The following BMERB1 variants were observed in gnomAD, a reference collection of about 807,000 sequenced individuals.
The protein encoded by BMERB1 is bMERB domain containing 1, also known as bMERB domain-containing protein 1.
In BMERB1, 12 loss-of-function variants were observed where a neutral mutation model predicts 23.6. The observed-to-expected ratio is 0.51, with a 90% CI of 0.33 to 0.82. BMERB1 has a LOEUF of 0.82. Ranked by LOEUF, BMERB1 falls within the 40% of genes least tolerant of loss-of-function variation. The pLI, the probability that BMERB1 is intolerant of heterozygous loss-of-function variation, is 0.03. For missense variants in BMERB1, 247 were observed against 255.4 expected (o/e 0.97, Z 0.22); for synonymous variants, 122 against 96.6 (o/e 1.26, Z -1.54).
At chr16:15,502,548 G>C (rs1259814462) in intron 1 of BMERB1, among the ~76,000 whole-genome samples, 1 of 152,146 alleles carries the variant, frequency 6.6e-6, no homozygotes, top group Non-Finnish European at 1.5e-5. Context: ...GCAAGAAGGC[G>C]AGGCACTTGG....
chr16:15,535,111 A>C (rs2052012729), intron 2 of BMERB1, among the ~76,000 whole-genome samples: 1 of 152,164 alleles, frequency 6.6e-6, no homozygotes. Flanking sequence ...GCACTTTGAG[A>C]GGCTTAGGTG....
intron 3 of BMERB1, among the ~76,000 whole-genome samples, chr16:15,571,806 G>T (rs1045898601): frequency 6.6e-6 from 1 of 151,860 alleles, no homozygotes; most frequent in Admixed American, 6.6e-5. Flanking sequence ...TCGTCCCTCC[G>T]CCCACCCGGA....
chr16:15,563,642 C>T (rs979393963), intron 2 of BMERB1, among the ~76,000 whole-genome samples: 2 of 152,104 alleles, frequency 1.3e-5, no homozygotes, highest in Admixed American at 6.6e-5. Context: ...AGGAAACTTA[C>T]AATCATGATG....
chr16:15,572,205 A>G (rs563698753), intron 3 of BMERB1, among the ~76,000 whole-genome samples: 3 of 152,168 alleles, frequency 2.0e-5, no homozygotes, highest in African/African-American at 7.2e-5. Flanking sequence ...TGAGCCTTGA[A>G]TTCCTTGTTG....
intron 3 of BMERB1, among the ~76,000 whole-genome samples, chr16:15,568,858 C>T (rs2030649880): frequency 6.6e-6 from 1 of 152,002 alleles, no homozygotes; most frequent in South Asian, 2.1e-4. Context: ...GCATCTTCTC[C>T]AAAAAATTTT....
At chr16:15,453,822 C>T (rs578098969) in intron 1 of BMERB1, among the ~76,000 whole-genome samples, 5 of 152,164 alleles carry the variant, frequency 3.3e-5, no homozygotes, top group East Asian at 1.9e-4. Context: ...TGCAATGAGT[C>T]GAGATTTCGC....
chr16:15,473,520 C>G (rs1400344982), intron 1 of BMERB1, among the ~76,000 whole-genome samples: 1 of 149,800 alleles, frequency 6.7e-6, no homozygotes, highest in African/African-American at 2.5e-5. Context: ...CTCGAATGCC[C>G]GACCTCAGGT....
chr16:15,441,449 T>C lies in BMERB1; in HGVS notation c.106+6690T>C, dbSNP rs566324445. Among the ~76,000 whole-genome samples, 538 of 151,998 alleles carry C rather than the reference T, an allele frequency of 3.5e-3. 4 individuals carry two copies. The highest frequency in any genetic ancestry group is 0.012 in the African/African-American group (509 of 41,466). Reference sequence around the variant, plus strand: ...CCCAGGCTGGAGTGCAGTGGTGTGATCTTGGCTTGCTGCAACCTCTGCCTC... The same window carrying C: ...CCCAGGCTGGAGTGCAGTGGTGTGACCTTGGCTTGCTGCAACCTCTGCCTC... On this transcript the variant is annotated intron_variant, in intron 1 of 5. Transcript: ENST00000300006.
chr16:15,448,033 G>C (rs1357620502), intron 1 of BMERB1: 2 of 400,920 alleles, frequency 5.0e-6, no homozygotes, highest in African/African-American at 4.2e-5. Context: ...GGAATTACAG[G>C]TACCCGCCAC....
intron 1 of BMERB1, among the ~76,000 whole-genome samples, chr16:15,443,172 G>C (rs1261292314): frequency 1.3e-5 from 2 of 151,858 alleles, no homozygotes; most frequent in African/African-American, 4.8e-5. Context: ...CACTTGAACC[G>C]GGGAGGCAGA....
intron 1 of BMERB1, among the ~76,000 whole-genome samples, chr16:15,504,029 A>G (rs182584005): frequency 1.3e-5 from 2 of 152,340 alleles, no homozygotes; most frequent in East Asian, 3.9e-4. Flanking sequence ...TGTTACAGAG[A>G]ACTTTCTGTA....
At chr16:15,539,485 G>A (rs2052058056) in intron 2 of BMERB1, among the ~76,000 whole-genome samples, 1 of 152,150 alleles carries the variant, frequency 6.6e-6, no homozygotes, top group South Asian at 2.1e-4. Flanking sequence ...AGTTGGTCCA[G>A]TTTTTCCCAA....
intron 1 of BMERB1, among the ~76,000 whole-genome samples, chr16:15,491,060 G>C (rs893406925): frequency 1.9e-4 from 29 of 152,198 alleles, no homozygotes; most frequent in African/African-American, 7.0e-4. Flanking sequence ...ATATTGCCCA[G>C]GCTGGTCTCG....
chr16:15,582,704 A>G (rs7191894), intron 4 of BMERB1, among the ~76,000 whole-genome samples: 9,637 of 152,096 alleles, frequency 0.063, 1,053 homozygotes, highest in African/African-American at 0.22. Context: ...GGTGGCAAAG[A>G]AAGACCGTGT....
chr16:15,453,936 ATCCCTTCAGATGTCCCTTCC>A (rs1307261403), intron 1 of BMERB1, among the ~76,000 whole-genome samples: 4 of 152,070 alleles, frequency 2.6e-5, no homozygotes, highest in African/African-American at 9.7e-5. Flanking sequence ...CACTGAGAGC[ATCCCTTCAGATGTCCCTTCC>A]TCCCTTCCCC....
At chr16:15,532,544 C>CTTTTTTTTTTTTTT (rs58964968) in intron 2 of BMERB1, among the ~76,000 whole-genome samples, 2 of 91,854 alleles carry the variant, frequency 2.2e-5, no homozygotes, top group Non-Finnish European at 1.9e-5. Flanking sequence ...TTTTCTTTTT[C>CTTTTTTTTTTTTTT]TTTTTTTTTT....
At chr16:15,499,451 C>T (rs957235133) in intron 1 of BMERB1, among the ~76,000 whole-genome samples, 6 of 152,092 alleles carry the variant, frequency 3.9e-5, no homozygotes, top group Non-Finnish European at 8.8e-5. Flanking sequence ...AAATGCTCTC[C>T]TCTGCTCCCT....
At chr16:15,437,658 T>A (rs936301692) in intron 1 of BMERB1, among the ~76,000 whole-genome samples, 1 of 152,146 alleles carries the variant, frequency 6.6e-6, no homozygotes, top group Admixed American at 6.6e-5. Context: ...TGCTGCACAC[T>A]GTTAAAAGTC....
chr16:15,453,959 C>T (rs2051063691), intron 1 of BMERB1, among the ~76,000 whole-genome samples: 1 of 152,118 alleles, frequency 6.6e-6, no homozygotes, highest in Admixed American at 6.6e-5. Context: ...TCCCTTCCTC[C>T]CTTCCCCTTT....
Sources: gnomAD v4.1 joint callset for allele counts (sites outside exome capture counted in the v4.1 genomes callset) on GRCh38, gnomAD v4.1.1 for gene constraint, MANE v1.5 for transcripts, NCBI Gene and HGNC (gene_info 2026-07-23, HGNC 2026-07-21) for gene names.